The following ACOXL variants were observed in gnomAD, a reference collection of about 807,000 sequenced individuals.
ACOXL encodes the protein acyl-CoA oxidase like, also known as acyl-coenzyme A oxidase-like protein.
ACOXL carries 70 observed loss-of-function variants against 71.9 expected under a neutral mutation model. That is an observed-to-expected ratio of 0.97 (90% CI 0.80 to 1.19). The LOEUF is 1.19. Ranked by LOEUF, ACOXL falls within the 50% of genes most tolerant of loss-of-function variation. ACOXL has a pLI of 0.00. For missense variants in ACOXL, 703 were observed against 736.3 expected (o/e 0.95, Z 0.52); for synonymous variants, 253 against 281.6 (o/e 0.90, Z 1.02).
In ACOXL at chr2:110,963,588, TGTGTGTGTGTGTGTG is replaced by T. The variant is rs775043379; in HGVS notation, c.1060-23519_1060-23505del. On this transcript the variant is annotated intron_variant, in intron 12 of 17. Coordinates refer to ENST00000439055, the MANE Select transcript of ACOXL (RefSeq NM_001142807.4). ...AAATGTGTGTGTGTGTGTGTGTGTG[TGTGTGTGTGTGTGTG>T]TTTTTCTCTTTCTGCAACAGGGTTA... 3.1e-6 allele frequency: 5 copies of T among 1,602,486 alleles called. No homozygotes were observed. In the African/African-American group the frequency reaches 5.3e-5, roughly 17 times the overall value.
intron 12 of ACOXL, among the ~76,000 whole-genome samples, chr2:110,977,202 C>T (rs7564385): frequency 0.14 from 20,796 of 151,834 alleles, 1,778 homozygotes; most frequent in East Asian, 0.34. Flanking sequence ...CTGGCTAACA[C>T]GGTGAAACCC....
chr2:110,906,308 C>T (rs998670196), intron 10 of ACOXL, among the ~76,000 whole-genome samples: 11 of 151,874 alleles, frequency 7.2e-5, no homozygotes, highest in Non-Finnish European at 8.8e-5. Context: ...GAGGCCGAGG[C>T]GGGTGGATCA....
chr2:111,085,892 G>A (rs576577731), intron 16 of ACOXL, among the ~76,000 whole-genome samples: 7 of 152,182 alleles, frequency 4.6e-5, no homozygotes, highest in African/African-American at 1.7e-4. Context: ...TGTTACCACC[G>A]ACTCCACAGA....
chr2:110,926,171 A>G (rs768560200), intron 11 of ACOXL, among the ~76,000 whole-genome samples: 4 of 152,222 alleles, frequency 2.6e-5, no homozygotes, highest in Admixed American at 2.6e-4. Context: ...ATACAATAAT[A>G]ATGAAAAAGT....
chr2:111,006,589 C>T (rs745757478), intron 14 of ACOXL, among the ~76,000 whole-genome samples: 18 of 150,972 alleles, frequency 1.2e-4, no homozygotes, highest in Non-Finnish European at 2.2e-4. Context: ...GATGAAGTCT[C>T]GCTCTGTCAC....
intron 12 of ACOXL, among the ~76,000 whole-genome samples, chr2:110,984,937 A>G (rs1013758593): frequency 2.6e-5 from 4 of 152,210 alleles, no homozygotes; most frequent in Non-Finnish European, 5.9e-5. Context: ...GCAAGCCAGT[A>G]AACAAGTTGT....
At chr2:110,955,371 G>A (rs1040525557) in intron 12 of ACOXL, among the ~76,000 whole-genome samples, 2 of 151,156 alleles carry the variant, frequency 1.3e-5, no homozygotes, top group African/African-American at 4.9e-5. Context: ...TTCATTCTCA[G>A]CCCTCAGCAA....
At chr2:110,815,536 G>T (rs868622896) in intron 9 of ACOXL, among the ~76,000 whole-genome samples, 2 of 152,210 alleles carry the variant, frequency 1.3e-5, no homozygotes, top group South Asian at 2.1e-4. Context: ...AGGAGGGGAT[G>T]TTTTTCATAT....
intron 9 of ACOXL, among the ~76,000 whole-genome samples, chr2:110,838,463 T>C (rs1690729488): frequency 6.6e-6 from 1 of 152,172 alleles, no homozygotes; most frequent in African/African-American, 2.4e-5. Flanking sequence ...CCTGACTAGA[T>C]GATGGAGGTT....
intron 14 of ACOXL, among the ~76,000 whole-genome samples, chr2:111,001,411 A>G (rs1458401275): frequency 1.3e-5 from 2 of 152,012 alleles, no homozygotes; most frequent in African/African-American, 4.8e-5. Flanking sequence ...ACAAAACAAA[A>G]CAAAAAAACC....
chr2:110,979,247 C>T (rs116600709), intron 12 of ACOXL, among the ~76,000 whole-genome samples: 2,670 of 152,302 alleles, frequency 0.018, 38 homozygotes, highest in Middle Eastern at 0.037. Context: ...AGAACGCCAA[C>T]CATGCTCCTT....
At chr2:110,958,752 G>T (rs934807192) in intron 12 of ACOXL, among the ~76,000 whole-genome samples, 2 of 152,188 alleles carry the variant, frequency 1.3e-5, no homozygotes, top group African/African-American at 4.8e-5. Context: ...GAATACTTTG[G>T]ACTCCCCTGG....
chr2:110,880,153 C>CAAAAAAAAAAA (rs56852121), intron 10 of ACOXL, among the ~76,000 whole-genome samples: 53 of 84,652 alleles, frequency 6.3e-4, no homozygotes, highest in South Asian at 8.9e-4. Flanking sequence ...CTGTCACAAA[C>CAAAAAAAAAAA]AAAAAAAAAA....
chr2:110,798,508 G>A lies in ACOXL; in HGVS notation c.346-102G>A, dbSNP rs112010139. On this transcript the variant is annotated intron_variant, in intron 5 of 17. Transcript: ENST00000439055. ...CCTGACCTCGTGATCCACCCACCTC[G>A]GCCCCCCAAAGTGCTGGGATTACAG... The A allele has an allele frequency of 1.4e-4, 125 of 874,844 alleles. 1 individual carries two copies. Among genetic ancestry groups the A allele is most frequent in the African/African-American group, 1.2e-3 (74 of 60,440 alleles). The allele number at this position is 874,844 out of a possible 1,614,324, so 54.2% of individuals were successfully genotyped here.
At chr2:110,805,587 C>G (rs1025894865) in intron 9 of ACOXL, among the ~76,000 whole-genome samples, 192 bp downstream of exon 9, 8 of 152,180 alleles carry the variant, frequency 5.3e-5, no homozygotes, top group Non-Finnish European at 1.5e-5. Context: ...AAGAGGGGCT[C>G]CCACCCATCT....
chr2:110,877,694 A>T (rs1168248658), intron 10 of ACOXL, among the ~76,000 whole-genome samples: 1 of 152,160 alleles, frequency 6.6e-6, no homozygotes, highest in Admixed American at 6.5e-5. Flanking sequence ...CCCTCTACTG[A>T]CATTGAGCCT....
At chr2:111,011,636 A>C (rs1320019892) in intron 14 of ACOXL, among the ~76,000 whole-genome samples, 1 of 152,170 alleles carries the variant, frequency 6.6e-6, no homozygotes, top group African/African-American at 2.4e-5. Context: ...TAGTTTCAGC[A>C]CTTTGGGAGG....
At chr2:111,025,608 T>A (rs545241049) in intron 14 of ACOXL, among the ~76,000 whole-genome samples, 2 of 152,366 alleles carry the variant, frequency 1.3e-5, no homozygotes, top group East Asian at 3.9e-4. Context: ...TTGTCTTCTT[T>A]GGTGAAGTGT....
chr2:110,771,054 A>G (rs967964239), intron 2 of ACOXL, among the ~76,000 whole-genome samples: 2 of 152,226 alleles, frequency 1.3e-5, no homozygotes, highest in African/African-American at 4.8e-5. Flanking sequence ...TAATTCCTCC[A>G]GGAGGCACAG....
Sources: allele counts gnomAD v4.1 joint callset (sites outside exome capture counted in the v4.1 genomes callset), GRCh38; gene constraint gnomAD v4.1.1; transcripts MANE v1.5; gene names NCBI Gene and HGNC (gene_info 2026-07-23, HGNC 2026-07-21).